The following PHF20L1 variants were observed in gnomAD, a reference collection of about 807,000 sequenced individuals.
PHF20L1 encodes PHD finger protein 20-like protein 1.
Under a neutral mutation model 125.5 loss-of-function variants are expected in PHF20L1, and 44 were observed. The ratio of observed to expected loss-of-function variants is 0.35; its 90% CI spans 0.28 to 0.45. The LOEUF is 0.45. PHF20L1 is among the 20% of genes least tolerant of loss of function. The probability of loss-of-function intolerance (pLI) is 1.00; values close to 1 mark genes in which losing one functional copy is unlikely to be tolerated. For missense variants in PHF20L1, 1,012 were observed against 1,217.2 expected, an observed-to-expected ratio of 0.83 and a Z score of 2.51; for synonymous variants, 380 against 403.1, an observed-to-expected ratio of 0.94 and a Z score of 0.69.
At chr8:132,841,399 G>A (rs1455628427) in intron 18 of PHF20L1, among the ~76,000 whole-genome samples, 1 of 151,984 alleles carries the variant, frequency 6.6e-6, no homozygotes, top group African/African-American at 2.4e-5. Context: ...TACTGATTGA[G>A]TGTTTTAGTA....
At position 132,837,800 on chromosome 8, in the gene PHF20L1, G is replaced by A. The variant is rs767807835; in HGVS notation, c.2180G>A (p.Arg727Gln). The change falls in exon 17 of 21, where the codon CGG (arginine) becomes CAG (glutamine). Residue 727 changes from arginine to glutamine, a missense_variant. Transcript: ENST00000395386. ...GAGCAGTACATCTGCTATATCTGCC[G>A]GGACCCACCAGGTAAGGCTTTCTGT... ...IPEQYICYIC[R>Q]DPPGQRWSAK... is the part of the protein sequence containing the mutation. The A allele has an allele frequency of 2.5e-6, 4 of 1,611,198 alleles. No homozygotes were observed. Among genetic ancestry groups the A allele is most frequent in the East Asian group, 2.2e-5 (1 of 44,832 alleles).
At chr8:132,803,640 A>G (rs1833351856) in intron 6 of PHF20L1, 179 bp from the exon 7 acceptor site, 1 of 554,850 alleles carries the variant, frequency 1.8e-6, no homozygotes, top group Non-Finnish European at 3.2e-6. Flanking sequence ...AACTCATTTG[A>G]TTATTAAATT....
At chr8:132,812,478 G>A in intron 9 of PHF20L1, 1 of 984,652 alleles carries the variant, frequency 1.0e-6, no homozygotes, top group Non-Finnish European at 1.2e-6. Flanking sequence ...AAGGAAAATT[G>A]TGTAACTCGG....
At chr8:132,794,366 A>G in intron 2 of PHF20L1, 44 bp from the exon 3 acceptor site, 1 of 1,245,048 alleles carries the variant, frequency 8.0e-7, no homozygotes, top group Non-Finnish European at 1.2e-6. Flanking sequence ...TGTATAAACA[A>G]ATATAAGGAT....
Position 132,825,314 on chromosome 8 carries a change from C to A in PHF20L1, c.1687C>A (p.His563Asn). ...AAGAAGAGAGAAGAGAGACAAAGAT[C>A]ACTACAGACCAAAACAGAAGAAGAA... ...KERREKRDKD[H>N]YRPKQKKKKK... The change falls in exon 14 of 21, where the codon CAC becomes AAC. Residue 563 changes from histidine to asparagine, a missense_variant. Transcript: ENST00000395386. 2 of 1,499,922 alleles carry A rather than the reference C, an allele frequency of 1.3e-6. No individual in the cohort carries two copies. The highest frequency in any genetic ancestry group is 1.2e-5 in the South Asian group (1 of 86,812). The allele number at this position is 1,499,922 out of a possible 1,614,324, so 92.9% of individuals were successfully genotyped here.
At chr8:132,799,196 TTTG>T (rs1285555540) in intron 6 of PHF20L1, 24 bp downstream of exon 6, 24 of 1,497,006 alleles carry the variant, frequency 1.6e-5, no homozygotes, top group Non-Finnish European at 2.1e-5. Context: ...TTTTAAAAAT[TTTG>T]TTTTGTTTTT....
chr8:132,820,821 T>C (rs1835500771), intron 12 of PHF20L1, among the ~76,000 whole-genome samples: 4 of 152,024 alleles, frequency 2.6e-5, no homozygotes, highest in Admixed American at 2.0e-4. Flanking sequence ...GCCTTAGAGA[T>C]GATAACTTAT....
At chr8:132,841,251 C>G (rs1406443158) in intron 18 of PHF20L1, among the ~76,000 whole-genome samples, 1 of 151,956 alleles carries the variant, frequency 6.6e-6, no homozygotes, top group African/African-American at 2.4e-5. Context: ...TCATTTAATC[C>G]TTATCATAAG....
At chr8:132,834,117 C>G (rs1837086758) in intron 15 of PHF20L1, among the ~76,000 whole-genome samples, 1 of 152,050 alleles carries the variant, frequency 6.6e-6, no homozygotes. Context: ...TAAGGGGGAA[C>G]TTTTATTTGC....
intron 2 of PHF20L1, among the ~76,000 whole-genome samples, chr8:132,786,218 A>G (rs897255126): frequency 6.6e-6 from 1 of 152,252 alleles, no homozygotes; most frequent in Middle Eastern, 3.4e-3. Flanking sequence ...TTCAAACGTG[A>G]TGAAAGTTAA....
intron 12 of PHF20L1, among the ~76,000 whole-genome samples, chr8:132,819,306 A>G (rs1835324716): frequency 6.6e-6 from 1 of 151,932 alleles, no homozygotes; most frequent in Non-Finnish European, 1.5e-5. Context: ...TTAATAGTAC[A>G]GTAGCTGTCA....
intron 14 of PHF20L1, among the ~76,000 whole-genome samples, chr8:132,830,021 A>G (rs1055878337): frequency 6.6e-6 from 1 of 152,084 alleles, no homozygotes; most frequent in Non-Finnish European, 1.5e-5. Context: ...GTTTAAAAAA[A>G]TATGTATTTA....
intron 10 of PHF20L1, chr8:132,815,118 C>T (rs375908363): frequency 5.5e-6 from 2 of 361,024 alleles, no homozygotes; most frequent in East Asian, 4.6e-5. Flanking sequence ...AACACAGATT[C>T]CACTGTAGTT....
Position 132,792,956 on chromosome 8 carries a change from CCTTTTTT to C in PHF20L1, c.84-1446_84-1440del, listed in dbSNP as rs1831919443. Among the ~76,000 whole-genome samples, 3 of 131,712 alleles carry C rather than the reference CCTTTTTT, an allele frequency of 2.3e-5. No homozygotes were observed. In the Admixed American group the frequency reaches 2.6e-4, roughly 12 times the overall value. 86.4% of individuals were successfully genotyped at this position (131,712 alleles called of 152,430 possible). Reference sequence around the variant, plus strand: ...ATTCCCTAGCTTATTTGAGAAGACCCCTTTTTTCTTTTTTTTTTTTTTTTTTAGTGCC... The same window carrying C: ...ATTCCCTAGCTTATTTGAGAAGACCCCTTTTTTTTTTTTTTTTTTAGTGCC... On this transcript the variant is annotated intron_variant, in intron 2 of 20. Transcript: ENST00000395386.
At chr8:132,798,939 T>C (rs1281675717) in intron 5 of PHF20L1, 79 bp downstream of exon 5, 1 of 1,121,058 alleles carries the variant, frequency 8.9e-7, no homozygotes, top group Non-Finnish European at 1.3e-6. Context: ...TTTATATGTA[T>C]ATTTTTTAAA....
Position 132,779,474 on chromosome 8 carries a change from A to G in PHF20L1, c.83+1563A>G, listed in dbSNP as rs542720041. 4.6e-5 allele frequency among the ~76,000 whole-genome samples: 7 copies of G among 152,338 alleles called. 1 individual carries two copies. Among genetic ancestry groups the G allele is most frequent in the African/African-American group, 1.7e-4 (7 of 41,578 alleles). ...TCTGTGTGATACAAGGGTATAAGAA[A>G]TAATACTTGTTACTTCTTTGATATT... On this transcript the variant is annotated intron_variant, in intron 2 of 20. Coordinates refer to ENST00000395386, the MANE Select transcript of PHF20L1 (RefSeq NM_016018.5).
intron 8 of PHF20L1, among the ~76,000 whole-genome samples, chr8:132,805,565 CAG>C (rs1833590626): frequency 6.6e-6 from 1 of 151,966 alleles, no homozygotes; most frequent in Non-Finnish European, 1.5e-5. Context: ...ATTAAAAGGA[CAG>C]AATCTTTTTT....
intron 14 of PHF20L1, among the ~76,000 whole-genome samples, chr8:132,829,038 T>C (rs559325946): frequency 1.3e-5 from 2 of 152,180 alleles, no homozygotes; most frequent in East Asian, 3.9e-4. Flanking sequence ...TGTAGGAGAC[T>C]ACTTCTGATC....
intron 12 of PHF20L1, chr8:132,818,703 A>G (rs1835248612): frequency 6.6e-6 from 1 of 151,790 alleles, no homozygotes; most frequent in South Asian, 2.1e-4. Flanking sequence ...CCTTAAGATA[A>G]TTAATTTTTC....
Sources: gnomAD v4.1 joint callset for allele counts (sites outside exome capture counted in the v4.1 genomes callset) on GRCh38, gnomAD v4.1.1 for gene constraint, MANE v1.5 for transcripts, NCBI Gene and HGNC (gene_info 2026-07-23, HGNC 2026-07-21) for gene names.